ZNF423: variants seen among roughly 807,000 people sequenced by gnomAD.
ZNF423 encodes the protein zinc finger protein 423, also known as Ebf-associated zinc finger protein.
A neutral mutation model predicts 95.8 loss-of-function variants in ZNF423; 12 were observed. That is an observed-to-expected ratio of 0.13 (90% confidence interval 0.08 to 0.20). ZNF423 has a LOEUF of 0.20. ZNF423 is among the 10% of genes least tolerant of loss of function. ZNF423 has a pLI of 1.00. For missense variants in ZNF423, 1,316 were observed against 1,737.1 expected (o/e 0.76, Z 4.31); for synonymous variants, 749 against 711.9 (o/e 1.05, Z -0.83).
At chr16:49,579,252 G>C (rs1463640608) in intron 5 of ZNF423, among the ~76,000 whole-genome samples, 4 of 40,056 alleles carry the variant, frequency 1.0e-4, no homozygotes, top group Admixed American at 3.7e-4. Context: ...CCCAGCCCCT[G>C]GTGGTAGCTG....
intron 5 of ZNF423, among the ~76,000 whole-genome samples, chr16:49,548,367 C>T (rs570627734): frequency 5.3e-5 from 8 of 152,278 alleles, no homozygotes; most frequent in African/African-American, 1.2e-4. Flanking sequence ...ATTTGTATAA[C>T]AGTTTATATA....
At chr16:49,798,609 A>C (rs1004666545) in intron 1 of ZNF423, among the ~76,000 whole-genome samples, 1 of 151,808 alleles carries the variant, frequency 6.6e-6, no homozygotes, top group Non-Finnish European at 1.5e-5. Context: ...AAATACATAC[A>C]ATTTTTTTTA....
At chr16:49,643,501 A>C in intron 3 of ZNF423, among the ~76,000 whole-genome samples, 1 of 145,922 alleles carries the variant, frequency 6.9e-6, no homozygotes, top group Admixed American at 6.8e-5. Context: ...CAGGATGTGA[A>C]CCCCCCCTTA....
At chr16:49,806,005 G>C (rs911745793) in intron 1 of ZNF423, among the ~76,000 whole-genome samples, 1 of 152,196 alleles carries the variant, frequency 6.6e-6, no homozygotes, top group Non-Finnish European at 1.5e-5. Context: ...CTGCCCTCTC[G>C]TTTAATCCCA....
chr16:49,631,770 T>C (rs1240652283), intron 4 of ZNF423, among the ~76,000 whole-genome samples: 1 of 152,236 alleles, frequency 6.6e-6, no homozygotes, highest in Non-Finnish European at 1.5e-5. Context: ...ACTGCCAATG[T>C]TCACTGAGCA....
chr16:49,730,793 G>A lies in ZNF423; in HGVS notation c.279C>T (p.His93=). The change falls in exon 3 of 8, where the codon CAC becomes CAT. Residue 93 remains histidine (H), a synonymous_variant. Transcript: ENST00000563137. The stretch of plus-strand genomic sequence containing the variant: ...TACCTCCAGGACAGCGGTGGGCCCG[G>A]TGGTCCGTCAGGTCTGCCAGAGACT... ...DFESLADLTD[H]RAHRCPGDGD... is the part of the protein sequence containing the mutation. 1.2e-6 allele frequency: 2 copies of A among 1,614,234 alleles called. No individual in the cohort carries two copies. The highest frequency in any genetic ancestry group is 1.1e-5 in the South Asian group (1 of 91,088).
intron 5 of ZNF423, among the ~76,000 whole-genome samples, chr16:49,605,904 G>A (rs2098421): frequency 0.22 from 32,883 of 152,070 alleles, 3,799 homozygotes; most frequent in South Asian, 0.35. Context: ...GCAGATTCCC[G>A]GGAAAGGTGT....
intron 2 of ZNF423, among the ~76,000 whole-genome samples, chr16:49,774,621 A>G (rs4785346): frequency 0.15 from 22,383 of 146,900 alleles, 1,694 homozygotes; most frequent in South Asian, 0.24. Context: ...GGACTCAGAT[A>G]AGATGAGTAA....
chr16:49,644,195 C>T (rs952059945), intron 3 of ZNF423, among the ~76,000 whole-genome samples: 2 of 152,202 alleles, frequency 1.3e-5, no homozygotes, highest in Non-Finnish European at 2.9e-5. Flanking sequence ...GTGGGGGGCA[C>T]ACATGGAAGA....
chr16:49,629,046 CA>C (rs1268930980), intron 4 of ZNF423, among the ~76,000 whole-genome samples: 9 of 152,172 alleles, frequency 5.9e-5, no homozygotes, highest in African/African-American at 1.9e-4. Context: ...AGCAGGACTT[CA>C]CACTTCTTGG....
At chr16:49,749,346 C>T (rs1479284332) in intron 2 of ZNF423, among the ~76,000 whole-genome samples, 1 of 152,238 alleles carries the variant, frequency 6.6e-6, no homozygotes, top group Non-Finnish European at 1.5e-5. Context: ...AGCCTGTGGT[C>T]TTACCCGGCT....
intron 5 of ZNF423, among the ~76,000 whole-genome samples, chr16:49,595,657 A>C (rs2151823246): frequency 6.6e-6 from 1 of 152,370 alleles, no homozygotes; most frequent in Non-Finnish European, 1.5e-5. Context: ...ACCCAGATTC[A>C]CTAATCTTGA....
At chr16:49,639,797 C>G (rs752391850) in intron 3 of ZNF423, among the ~76,000 whole-genome samples, 2 of 152,188 alleles carry the variant, frequency 1.3e-5, no homozygotes, top group Non-Finnish European at 2.9e-5. Flanking sequence ...CTGGGGACAG[C>G]CCCCACAACC....
At chr16:49,659,936 A>G (rs772871820) in intron 3 of ZNF423, among the ~76,000 whole-genome samples, 3 of 152,222 alleles carry the variant, frequency 2.0e-5, no homozygotes, top group Non-Finnish European at 4.4e-5. Context: ...AAATGAGTCA[A>G]TGGATGCACA....
intron 5 of ZNF423, among the ~76,000 whole-genome samples, chr16:49,557,950 T>C (rs1420304751): frequency 1.3e-5 from 2 of 152,110 alleles, no homozygotes; most frequent in South Asian, 2.1e-4. Flanking sequence ...CCAGAGGGGC[T>C]GAGCCTCAAA....
chr16:49,644,303 AG>A (rs549339614), intron 3 of ZNF423, among the ~76,000 whole-genome samples: 3 of 152,094 alleles, frequency 2.0e-5, no homozygotes, highest in Non-Finnish European at 2.9e-5. Context: ...AGCTGAGCCC[AG>A]GAAGTTCCAG....
At chr16:49,716,373 C>T (rs894855785) in intron 3 of ZNF423, among the ~76,000 whole-genome samples, 3 of 152,062 alleles carry the variant, frequency 2.0e-5, no homozygotes, top group Non-Finnish European at 4.4e-5. Context: ...TATCCAAGGG[C>T]GGGGACAGAG....
chr16:49,708,542 G>A (rs965608488), intron 3 of ZNF423, among the ~76,000 whole-genome samples: 5 of 151,986 alleles, frequency 3.3e-5, no homozygotes, highest in African/African-American at 4.8e-5. Context: ...TGCCCGTCTC[G>A]GCTTCCCAAA....
chr16:49,750,873 G>A (rs1254793072), intron 2 of ZNF423, among the ~76,000 whole-genome samples: 3 of 152,306 alleles, frequency 2.0e-5, no homozygotes, highest in East Asian at 1.9e-4. Context: ...GGAACCAGAC[G>A]GTGATGGTGA....
Sources: gnomAD v4.1 joint callset for allele counts (sites outside exome capture counted in the v4.1 genomes callset) on GRCh38, gnomAD v4.1.1 for gene constraint, MANE v1.5 for transcripts, NCBI Gene and HGNC (gene_info 2026-07-23, HGNC 2026-07-21) for gene names.